CPNE4: variants seen among roughly 807,000 people sequenced by gnomAD.
The protein encoded by CPNE4 is copine-4.
In CPNE4, 25 loss-of-function variants were observed where a neutral mutation model predicts 67.9. The ratio of observed to expected loss-of-function variants is 0.37; its 90% CI spans 0.27 to 0.51. The LOEUF is 0.51. Among genes scored for constraint, CPNE4 ranks in the 20% least tolerant of loss-of-function variants. The pLI, the probability that CPNE4 is intolerant of heterozygous loss-of-function variation, is 0.93. For synonymous variants in CPNE4, 242 were observed against 244.9 expected (o/e 0.99, Z 0.11); for missense variants, 464 against 690.8 (o/e 0.67, Z 3.68).
chr3:131,700,077 T>TTTTTTTTTTTTTTTTTTA (rs2081258949), intron 3 of CPNE4, 97 bp from the exon 4 acceptor site: 1 of 552,478 alleles, frequency 1.8e-6, no homozygotes, highest in African/African-American at 2.4e-5. Flanking sequence ...TTTTTTTTTT[T>TTTTTTTTTTTTTTTTTTA]ACAAAACTCT....
chr3:131,971,925 T>G (rs945043320), intron 1 of CPNE4, among the ~76,000 whole-genome samples: 1 of 152,224 alleles, frequency 6.6e-6, no homozygotes. Context: ...ATGATTTGCC[T>G]TTGTTTCTCT....
intron 7 of CPNE4, among the ~76,000 whole-genome samples, chr3:131,639,210 A>C (rs2079474667): frequency 6.6e-6 from 1 of 152,116 alleles, no homozygotes; most frequent in Admixed American, 6.6e-5. Flanking sequence ...ACAAAAGATA[A>C]ATGAAACAAA....
intron 2 of CPNE4, among the ~76,000 whole-genome samples, chr3:131,731,763 T>G (rs1388054293): frequency 6.6e-6 from 1 of 152,130 alleles, no homozygotes; most frequent in Non-Finnish European, 1.5e-5. Context: ...ATTTTAAATT[T>G]AAATTTAAAT....
rs1583500942 is a variant in CPNE4 at position 131,951,749 on chromosome 3, G to A, written c.-1-46305C>T. ...GACTGGTTTTCGTATTTTTTTGGTG[G>A]AGATGGGGTTTCGCTGTGTTGGCCG... On this transcript the variant is annotated intron_variant, in intron 1 of 15. Transcript: ENST00000429747. Among the ~76,000 whole-genome samples the A allele has an allele frequency of 2.6e-5, 4 of 152,352 alleles. No individual in the cohort carries two copies. The East Asian group carries it at 7.7e-4, about 29-fold the overall frequency.
chr3:131,976,964 G>C (rs1358213487), intron 1 of CPNE4, among the ~76,000 whole-genome samples: 1 of 151,910 alleles, frequency 6.6e-6, no homozygotes, highest in East Asian at 1.9e-4. Flanking sequence ...ACCATGTCCG[G>C]CTAATTTTTG....
intron 2 of CPNE4, among the ~76,000 whole-genome samples, chr3:131,792,632 C>T (rs201541619): frequency 0.23 from 16,247 of 70,540 alleles, 2,539 homozygotes; most frequent in African/African-American, 0.35. Flanking sequence ...TATATATATA[C>T]ACACGTGTAT....
At chr3:131,692,879 G>A (rs1486781932) in intron 5 of CPNE4, among the ~76,000 whole-genome samples, 1 of 152,146 alleles carries the variant, frequency 6.6e-6, no homozygotes, top group Non-Finnish European at 1.5e-5. Context: ...AATGGGAAAA[G>A]AAAGAATCCT....
chr3:131,767,270 TG>T (rs2083044524), intron 2 of CPNE4, among the ~76,000 whole-genome samples: 1 of 151,724 alleles, frequency 6.6e-6, no homozygotes, highest in Non-Finnish European at 1.5e-5. Flanking sequence ...CGTGTGTGTG[TG>T]TGTGTGTGTG....
chr3:131,603,023 A>T (rs115546919), intron 7 of CPNE4, among the ~76,000 whole-genome samples: 20,114 of 152,008 alleles, frequency 0.13, 1,880 homozygotes, highest in African/African-American at 0.26. Flanking sequence ...AATTATAAGT[A>T]TCTCTCCTTT....
At chr3:131,540,164 T>C (rs1374354109) in intron 15 of CPNE4, among the ~76,000 whole-genome samples, 3 of 152,234 alleles carry the variant, frequency 2.0e-5, no homozygotes, top group Non-Finnish European at 4.4e-5. Flanking sequence ...GATTGACTGC[T>C]GTTGCTGTTA....
chr3:131,812,183 G>A (rs969451670), intron 2 of CPNE4, among the ~76,000 whole-genome samples: 1 of 145,748 alleles, frequency 6.9e-6, no homozygotes. Flanking sequence ...CCCCAAGAAG[G>A]AATAGAGAAG....
intron 7 of CPNE4, among the ~76,000 whole-genome samples, chr3:131,625,303 A>C (rs1334147133): frequency 6.6e-6 from 1 of 152,192 alleles, no homozygotes; most frequent in Non-Finnish European, 1.5e-5. Context: ...AACATTTATT[A>C]GGCCTCTATT....
chr3:132,009,779 C>G (rs1216766694), intron 1 of CPNE4, among the ~76,000 whole-genome samples: 1 of 152,172 alleles, frequency 6.6e-6, no homozygotes, highest in Non-Finnish European at 1.5e-5. Flanking sequence ...ATTTTGTCCC[C>G]TGGGGGTATT....
At chr3:131,930,268 T>C (rs1583469425) in intron 1 of CPNE4, among the ~76,000 whole-genome samples, 1 of 151,770 alleles carries the variant, frequency 6.6e-6, no homozygotes, top group East Asian at 1.9e-4. Flanking sequence ...CAGTAACCCA[T>C]ATGTACAAAG....
At chr3:131,985,518 T>C (rs1301159371) in intron 1 of CPNE4, among the ~76,000 whole-genome samples, 1 of 152,172 alleles carries the variant, frequency 6.6e-6, no homozygotes, top group Admixed American at 6.6e-5. Flanking sequence ...TTACAGACAT[T>C]ATAATTTGCC....
intron 1 of CPNE4, among the ~76,000 whole-genome samples, chr3:131,973,366 T>C (rs1416285060): frequency 1.3e-5 from 2 of 152,186 alleles, no homozygotes; most frequent in African/African-American, 4.8e-5. Flanking sequence ...ATGTCAATTT[T>C]TTCCCAAGAA....
intron 14 of CPNE4, among the ~76,000 whole-genome samples, chr3:131,544,925 C>T (rs1035877136): frequency 2.6e-5 from 4 of 152,204 alleles, no homozygotes; most frequent in Non-Finnish European, 5.9e-5. Context: ...ATCTCCCCTA[C>T]CTGATAAATG....
At chr3:131,859,490 T>A (rs547837924) in intron 2 of CPNE4, among the ~76,000 whole-genome samples, 2 of 152,134 alleles carry the variant, frequency 1.3e-5, no homozygotes, top group African/African-American at 4.8e-5. Flanking sequence ...AAATTTAGCA[T>A]CTATCTCAGC....
intron 5 of CPNE4, among the ~76,000 whole-genome samples, chr3:131,689,798 C>G (rs996034484): frequency 6.6e-6 from 1 of 152,144 alleles, no homozygotes; most frequent in Non-Finnish European, 1.5e-5. Context: ...TGATATAATT[C>G]TATACCTAGA....
Sources: gnomAD v4.1 joint callset for allele counts (sites outside exome capture counted in the v4.1 genomes callset) on GRCh38, gnomAD v4.1.1 for gene constraint, MANE v1.5 for transcripts, NCBI Gene and HGNC (gene_info 2026-07-23, HGNC 2026-07-21) for gene names.